Variants in INTS6 observed in about 807,000 individuals in gnomAD.
The protein encoded by INTS6 is DEAD box protein.
INTS6 carries 16 observed loss-of-function variants against 104.9 expected under a neutral mutation model. That is an observed-to-expected ratio of 0.15 (90% CI 0.10 to 0.23). The LOEUF (loss-of-function observed/expected upper bound fraction) is 0.23, where lower values mean the gene tolerates loss of function less well. Ranked by LOEUF, INTS6 falls within the 10% of genes least tolerant of loss-of-function variation. The pLI, the probability that INTS6 is intolerant of heterozygous loss-of-function variation, is 1.00. For missense variants in INTS6, 584 were observed against 1,062.8 expected (o/e 0.55, Z 6.26); for synonymous variants, 324 against 358.7 (o/e 0.90, Z 1.09).
In INTS6 at chr13:51,382,263, G is replaced by C. The variant is rs549852919; in HGVS notation, c.1181-140C>G. ...CAGACGTTTTTTAACATGAAAGTAA[G>C]ATTTACGGTTTTGTCATTTTCTATA... On this transcript the variant is annotated intron_variant, in intron 9 of 17. Coordinates refer to ENST00000311234, the MANE Select transcript of INTS6 (RefSeq NM_012141.3). 18 of 474,240 alleles carry C rather than the reference G, an allele frequency of 3.8e-5. No homozygotes were observed. In the South Asian group the frequency reaches 4.9e-4, roughly 13 times the overall value. The allele number at this position is 474,240 out of a possible 1,614,324, so 29.4% of individuals were successfully genotyped here.
intron 4 of INTS6, among the ~76,000 whole-genome samples, chr13:51,396,378 T>C (rs1566222980): frequency 6.6e-6 from 1 of 152,296 alleles, no homozygotes; most frequent in East Asian, 1.9e-4. Flanking sequence ...GCATGTTTTA[T>C]TAATAATAGA....
At chr13:51,389,993 T>C (rs545460546) in intron 5 of INTS6, among the ~76,000 whole-genome samples, 1 of 152,244 alleles carries the variant, frequency 6.6e-6, no homozygotes, top group South Asian at 2.1e-4. Context: ...AGCGTGTGCT[T>C]TTCTGAATTT....
intron 4 of INTS6, among the ~76,000 whole-genome samples, chr13:51,429,785 A>ATATAT (rs1555290260): frequency 1.1e-5 from 1 of 92,358 alleles, no homozygotes; most frequent in South Asian, 3.8e-4. Flanking sequence ...AAAAAAAAAA[A>ATATAT]ATATATATAT....
rs1952903401 is a variant in INTS6 at position 51,445,765 on chromosome 13, C to T, written c.339+5260G>A. On this transcript the variant is annotated intron_variant, in intron 3 of 17. Transcript: ENST00000311234. ...TTAAGCAAGTTTGACAGGAGAGTGCCCTCTCCACCAACAAAAATTATTGAG... is the reference window on the plus strand; with the variant it reads ...TTAAGCAAGTTTGACAGGAGAGTGCTCTCTCCACCAACAAAAATTATTGAG... 2.6e-5 allele frequency: 4 copies of T among 152,134 alleles called. No homozygotes were observed. In the South Asian group the frequency reaches 8.3e-4, roughly 32 times the overall value. The allele number at this position is 152,134 out of a possible 1,614,324, so 9.4% of individuals were successfully genotyped here.
intron 6 of INTS6, among the ~76,000 whole-genome samples, chr13:51,389,029 A>G (rs778022015): frequency 6.6e-6 from 1 of 152,248 alleles, no homozygotes; most frequent in Non-Finnish European, 1.5e-5. Context: ...AGGCAATTGT[A>G]TAATACTACA....
downstream of INTS6, among the ~76,000 whole-genome samples, chr13:51,353,196 T>A (rs552236892): frequency 6.6e-6 from 1 of 152,088 alleles, no homozygotes; most frequent in African/African-American, 2.4e-5. Flanking sequence ...TCACTTTTAC[T>A]GATGTTTTTA....
chr13:51,415,369 C>T (rs759908887), intron 4 of INTS6, among the ~76,000 whole-genome samples: 16 of 151,898 alleles, frequency 1.1e-4, no homozygotes, highest in Non-Finnish European at 2.1e-4. Context: ...TGGCTGTGTC[C>T]CCATCCAAAT....
rs367627432 is a variant in INTS6, at chr13:51,371,807, C to G, written c.2104+2401G>C. Among the ~76,000 whole-genome samples, 3 of 152,078 alleles carry G rather than the reference C, an allele frequency of 2.0e-5. 1 individual carries two copies. Among genetic ancestry groups the G allele is most frequent in the Admixed American group, 2.0e-4 (3 of 15,260 alleles). On this transcript the variant is annotated intron_variant, in intron 15 of 17. Coordinates refer to ENST00000311234, the MANE Select transcript of INTS6 (RefSeq NM_012141.3). ...ACTTCACCTTCTACCTCACAGAGCTCGGAAGAAAAGCAAAGCCATGATTAA... is the reference window on the plus strand; with the variant it reads ...ACTTCACCTTCTACCTCACAGAGCTGGGAAGAAAAGCAAAGCCATGATTAA...
At chr13:51,399,066 A>AT (rs946277177) in intron 4 of INTS6, among the ~76,000 whole-genome samples, 2 of 152,178 alleles carry the variant, frequency 1.3e-5, no homozygotes, top group African/African-American at 4.8e-5. Flanking sequence ...GTTTTGCCTG[A>AT]TTTTGAACTT....
chr13:51,448,785 T>C (rs1952976731), intron 3 of INTS6: 1 of 152,194 alleles, frequency 6.6e-6, no homozygotes, highest in Admixed American at 6.5e-5. Context: ...CTCATTTCCT[T>C]CAACTACTAA....
At chr13:51,378,120 G>GA (rs1955969626) in intron 12 of INTS6, 119 bp downstream of exon 12, 1 of 725,280 alleles carries the variant, frequency 1.4e-6, no homozygotes, top group African/African-American at 1.8e-5. Flanking sequence ...TAGTCTACAA[G>GA]AGTACAGAAG....
At chr13:51,443,397 C>T (rs1329732316) in intron 3 of INTS6, 1 of 151,946 alleles carries the variant, frequency 6.6e-6, no homozygotes. Context: ...CTTCACACTT[C>T]AGATTTGTTT....
chr13:51,404,145 A>C (rs1956508061), intron 4 of INTS6, among the ~76,000 whole-genome samples: 1 of 151,402 alleles, frequency 6.6e-6, no homozygotes, highest in South Asian at 2.1e-4. Context: ...GTGGTGATGC[A>C]CACCTGCAGT....
At chr13:51,430,438 T>G in intron 3 of INTS6, 55 bp from the exon 4 acceptor site, 1 of 1,406,512 alleles carries the variant, frequency 7.1e-7, no homozygotes, top group Non-Finnish European at 9.9e-7. Flanking sequence ...GCTTACAAAG[T>G]AAAAAGTCAA....
In INTS6 at chr13:51,362,141, T is replaced by G; in HGVS notation, c.*3611A>C. 2 of 1,194,916 alleles carry G rather than the reference T, an allele frequency of 1.7e-6. No homozygotes were observed. The highest frequency in any genetic ancestry group is 2.2e-6 in the Non-Finnish European group (2 of 905,350). The allele number at this position is 1,194,916 out of a possible 1,614,324, so 74.0% of individuals were successfully genotyped here. On this transcript the variant is annotated 3_prime_UTR_variant, in exon 18 of 18. Coordinates refer to ENST00000311234, the MANE Select transcript of INTS6 (RefSeq NM_012141.3). ...GCTCATATATAGTTAATGTAGATTT[T>G]TTTTTTTAATGCTATAGGTTTCTAC...
chr13:51,406,029 C>T (rs1233559932), intron 4 of INTS6, among the ~76,000 whole-genome samples: 1 of 152,136 alleles, frequency 6.6e-6, no homozygotes, highest in Non-Finnish European at 1.5e-5. Flanking sequence ...CTTTGGCTTT[C>T]ATGCTGAAAT....
intron 3 of INTS6, chr13:51,440,601 A>AT (rs1306652437): frequency 1.3e-5 from 2 of 152,082 alleles, no homozygotes; most frequent in Non-Finnish European, 1.5e-5. Flanking sequence ...TAGGTATACC[A>AT]TTTTTTATCT....
rs910255608 is a variant in INTS6 at position 51,399,130 on chromosome 13, G to A, written c.430-3647C>T. Among the ~76,000 whole-genome samples the A allele has an allele frequency of 2.6e-5, 4 of 152,124 alleles. No homozygotes were observed. The South Asian group carries it at 6.2e-4, about 24-fold the overall frequency. ...TTATGGCTTCTTTCATCATTGTAAA[G>A]GTAAGAATCACCTATACTGCTACAT... On this transcript the variant is annotated intron_variant, in intron 4 of 17. Coordinates refer to ENST00000311234, the MANE Select transcript of INTS6 (RefSeq NM_012141.3).
chr13:51,367,669 A>C (rs973733482), intron 17 of INTS6, 136 bp downstream of exon 17: 1 of 507,838 alleles, frequency 2.0e-6, no homozygotes, highest in Non-Finnish European at 3.5e-6. Context: ...AAAAAGAATA[A>C]GAATTTATTT....
Sources: allele counts gnomAD v4.1 joint callset (sites outside exome capture counted in the v4.1 genomes callset), GRCh38; gene constraint gnomAD v4.1.1; transcripts MANE v1.5; gene names NCBI Gene and HGNC (gene_info 2026-07-23, HGNC 2026-07-21).